Variants in DPP4 observed in about 807,000 individuals in gnomAD.
DPP4 encodes the protein ADCP-2.
A neutral mutation model predicts 122.4 loss-of-function variants in DPP4; 93 were observed. The ratio of observed to expected loss-of-function variants is 0.76; its 90% CI spans 0.64 to 0.90. The LOEUF (loss-of-function observed/expected upper bound fraction) is 0.90, where lower values mean the gene tolerates loss of function less well. Among genes scored for constraint, DPP4 ranks in the 40% least tolerant of loss-of-function variants. DPP4 has a pLI of 0.00. For synonymous variants in DPP4, 321 were observed against 302.9 expected (o/e 1.06, Z -0.62); for missense variants, 914 against 907.3 (o/e 1.01, Z -0.09).
At chr2:162,012,791 T>C (rs766042002) in intron 19 of DPP4, among the ~76,000 whole-genome samples, 2 of 152,042 alleles carry the variant, frequency 1.3e-5, no homozygotes, top group African/African-American at 4.8e-5. Flanking sequence ...CTCCTGGACA[T>C]GGATACTCTC....
intron 20 of DPP4, among the ~76,000 whole-genome samples, chr2:162,009,752 C>T (rs1430929913): frequency 6.6e-6 from 1 of 151,958 alleles, no homozygotes; most frequent in East Asian, 1.9e-4. Context: ...CTCCGGGCCC[C>T]CTACCTGAGA....
intron 11 of DPP4, among the ~76,000 whole-genome samples, chr2:162,023,854 T>G (rs770566482): frequency 6.6e-6 from 1 of 152,220 alleles, no homozygotes; most frequent in Non-Finnish European, 1.5e-5. Context: ...ATACCATAAG[T>G]GGCAGCTTTT....
intron 25 of DPP4, among the ~76,000 whole-genome samples, chr2:161,994,261 T>C (rs555265127): frequency 2.2e-4 from 33 of 152,226 alleles, no homozygotes; most frequent in South Asian, 4.1e-4. Flanking sequence ...TCCTGTGCAT[T>C]GGGCACCATT....
At chr2:162,023,116 T>C (rs145088185) in intron 11 of DPP4, among the ~76,000 whole-genome samples, 7 of 152,306 alleles carry the variant, frequency 4.6e-5, no homozygotes, top group Admixed American at 6.5e-5. Flanking sequence ...TTCTAGTTAG[T>C]GGCACCTATT....
chr2:162,047,530 T>C, intron 2 of DPP4, 29 bp from the exon 3 acceptor site: 2 of 1,467,626 alleles, frequency 1.4e-6, no homozygotes, highest in Non-Finnish European at 1.9e-6. Context: ...CAAATGTTCA[T>C]TTCAGTAAGA....
At chr2:162,034,060 T>TATGAAGAA (rs1404099649) in intron 9 of DPP4, among the ~76,000 whole-genome samples, 2 of 151,912 alleles carry the variant, frequency 1.3e-5, no homozygotes, top group African/African-American at 4.8e-5. Context: ...TTGATGCCTG[T>TATGAAGAA]CAGTATGAAG....
At chr2:162,022,110 T>C (rs1683153892) in intron 12 of DPP4, among the ~76,000 whole-genome samples, 1 of 152,216 alleles carries the variant, frequency 6.6e-6, no homozygotes, top group Admixed American at 6.5e-5. Flanking sequence ...ACATGATGAC[T>C]GGAGTTCCTT....
At chr2:162,055,409 T>C (rs1298108721) in intron 2 of DPP4, among the ~76,000 whole-genome samples, 6 of 152,120 alleles carry the variant, frequency 3.9e-5, no homozygotes, top group Non-Finnish European at 8.8e-5. Context: ...TAGAACACTG[T>C]GGTACAGCTG....
At chr2:162,037,823 A>G (rs922513680) in intron 8 of DPP4, among the ~76,000 whole-genome samples, 16 of 152,188 alleles carry the variant, frequency 1.1e-4, no homozygotes, top group Non-Finnish European at 1.5e-5. Flanking sequence ...ACAGGAAATC[A>G]TAATTTGTCC....
chr2:162,006,415 A>G (rs1048024495), intron 22 of DPP4, among the ~76,000 whole-genome samples: 2 of 152,170 alleles, frequency 1.3e-5, no homozygotes, highest in Non-Finnish European at 2.9e-5. Context: ...ATAAAAACAA[A>G]TAATTCAGTT....
Position 162,024,851 on chromosome 2 carries a change from C to A in DPP4, c.976G>T (p.Asp326Tyr). The A allele has an allele frequency of 1.2e-6, 2 of 1,613,946 alleles. No homozygotes were observed. Among genetic ancestry groups the A allele is most frequent in the Non-Finnish European group, 1.7e-6 (2 of 1,180,026 alleles). ...LRRIQNYSVMDICDYDESSGR... is the reference protein window; with the variant it reads ...LRRIQNYSVMYICDYDESSGR... ...CTGGATTCATCATAGTCACAAATAT[C>A]CATGACCGAATAGTTCTGAATCCTC... is the stretch of plus-strand genomic sequence containing the variant. The change falls in exon 11 of 26, where the codon GAT becomes TAT. Residue 326 changes from aspartate (D) to tyrosine (Y), a missense_variant. By Grantham distance (160) the Asp-to-Tyr change is radical. Transcript: ENST00000360534.
chr2:161,995,956 G>A (rs764143874), intron 23 of DPP4, among the ~76,000 whole-genome samples: 10 of 152,128 alleles, frequency 6.6e-5, no homozygotes, highest in South Asian at 4.1e-4. Flanking sequence ...GGAGGGGAAG[G>A]GGGTAAAAAA....
At chr2:162,009,184 C>T in intron 21 of DPP4, 57 bp downstream of exon 21, 1 of 1,551,110 alleles carries the variant, frequency 6.4e-7, no homozygotes, top group Non-Finnish European at 8.9e-7. Context: ...ATAAAGTAAC[C>T]TGCTCTGAGT....
chr2:162,028,291 G>C (rs996045931), intron 10 of DPP4, among the ~76,000 whole-genome samples: 1 of 152,128 alleles, frequency 6.6e-6, no homozygotes, highest in Non-Finnish European at 1.5e-5. Context: ...GAACCGGGCA[G>C]ACAGAGGTTG....
intron 2 of DPP4, among the ~76,000 whole-genome samples, chr2:162,071,718 T>C (rs1258304736): frequency 6.6e-6 from 1 of 152,158 alleles, no homozygotes; most frequent in Non-Finnish European, 1.5e-5. Context: ...ATTCTTGAAA[T>C]GTGTTCAAAT....
intron 19 of DPP4, among the ~76,000 whole-genome samples, chr2:162,013,508 C>T (rs981887513): frequency 5.3e-5 from 8 of 151,988 alleles, no homozygotes; most frequent in Admixed American, 6.6e-5. Context: ...ATATCTGGGT[C>T]CTGCCTTCCT....
chr2:161,993,563 G>A (rs574362485), intron 25 of DPP4, among the ~76,000 whole-genome samples, 179 bp from the exon 26 acceptor site: 4 of 152,266 alleles, frequency 2.6e-5, no homozygotes, highest in African/African-American at 9.6e-5. Flanking sequence ...TTCCCCCAGA[G>A]CTTTTCCAGG....
At chr2:162,041,335 A>G (rs1215733147) in intron 5 of DPP4, among the ~76,000 whole-genome samples, 2 of 152,106 alleles carry the variant, frequency 1.3e-5, no homozygotes, top group East Asian at 3.8e-4. Flanking sequence ...GGATGCCTGG[A>G]GTCTATTCTA....
Position 162,001,894 on chromosome 2 carries a change from C to T in DPP4, c.2052+3851G>A, listed in dbSNP as rs538521175. On this transcript the variant is annotated intron_variant, in intron 23 of 25. Coordinates refer to ENST00000360534, the MANE Select transcript of DPP4 (RefSeq NM_001935.4). Reference sequence around the variant, plus strand: ...ACTTTGGCTGCCCATTTAGAGCTTCCGGTATCAGCTCCTTGAGGTGGGGGG... The same window carrying T: ...ACTTTGGCTGCCCATTTAGAGCTTCTGGTATCAGCTCCTTGAGGTGGGGGG... 7.0e-4 allele frequency among the ~76,000 whole-genome samples: 107 copies of T among 152,284 alleles called. 1 individual carries two copies. Among genetic ancestry groups the T allele is most frequent in the African/African-American group, 1.9e-3 (79 of 41,542 alleles).
Sources: allele counts gnomAD v4.1 joint callset (sites outside exome capture counted in the v4.1 genomes callset), GRCh38; gene constraint gnomAD v4.1.1; transcripts MANE v1.5; gene names NCBI Gene and HGNC (gene_info 2026-07-23, HGNC 2026-07-21).